Variants in GRM7 observed in about 807,000 individuals in gnomAD.
GRM7 encodes the protein metabotropic glutamate receptor 7.
In GRM7, 35 loss-of-function variants were observed where a neutral mutation model predicts 84.5. That is an observed-to-expected ratio of 0.41 (90% CI 0.32 to 0.55). GRM7 has a LOEUF of 0.55. GRM7 is among the 20% of genes least tolerant of loss of function. The probability of loss-of-function intolerance (pLI) is 0.19; values close to 1 mark genes in which losing one functional copy is unlikely to be tolerated. For missense variants in GRM7, 1,003 were observed against 1,194.6 expected (o/e 0.84, Z 2.36); for synonymous variants, 487 against 455.1 (o/e 1.07, Z -0.89).
chr3:7,083,786 G>C (rs1425059240), intron 1 of GRM7, among the ~76,000 whole-genome samples: 3 of 152,116 alleles, frequency 2.0e-5, no homozygotes, highest in Non-Finnish European at 4.4e-5. Context: ...CGTATTCTCT[G>C]TGAGTGCTAC....
chr3:6,864,729 G>A (rs1301373477), intron 1 of GRM7, among the ~76,000 whole-genome samples: 2 of 152,146 alleles, frequency 1.3e-5, no homozygotes, highest in Non-Finnish European at 2.9e-5. Context: ...GGAATACTTA[G>A]CGACTTAAAT....
intron 9 of GRM7, among the ~76,000 whole-genome samples, chr3:7,727,047 T>C (rs558062506): frequency 1.3e-5 from 2 of 152,242 alleles, no homozygotes; most frequent in Admixed American, 6.5e-5. Flanking sequence ...CTTTCATATT[T>C]TTGATGCAGT....
intron 4 of GRM7, among the ~76,000 whole-genome samples, chr3:7,337,652 A>C (rs1701473385): frequency 6.6e-6 from 1 of 152,150 alleles, no homozygotes; most frequent in African/African-American, 2.4e-5. Flanking sequence ...CATATGAAAA[A>C]AATGCTAAAC....
intron 4 of GRM7, among the ~76,000 whole-genome samples, chr3:7,307,040 G>A (rs1007289639): frequency 6.6e-6 from 1 of 152,080 alleles, no homozygotes; most frequent in Non-Finnish European, 1.5e-5. Context: ...ATTAGAAGAA[G>A]TACAAGAACC....
intron 1 of GRM7, among the ~76,000 whole-genome samples, chr3:6,907,367 T>G (rs79117992): frequency 0.027 from 4,068 of 152,312 alleles, 174 homozygotes; most frequent in African/African-American, 0.092. Flanking sequence ...TTTGAAAAAG[T>G]ACCGTGGAGA....
intron 1 of GRM7, among the ~76,000 whole-genome samples, chr3:6,875,217 T>G (rs1333892213): frequency 1.3e-5 from 2 of 151,382 alleles, no homozygotes; most frequent in Non-Finnish European, 3.0e-5. Context: ...AGGTCTTGGT[T>G]CTGCACTTTT....
At chr3:7,064,548 G>GATAT (rs60042248) in intron 1 of GRM7, among the ~76,000 whole-genome samples, 5,773 of 89,466 alleles carry the variant, frequency 0.065, 165 homozygotes, top group Middle Eastern at 0.12. Flanking sequence ...ATCATGTATG[G>GATAT]ATATATATAT....
Position 7,691,267 on chromosome 3 carries a change from G to A in GRM7, c.2698+10972G>A, listed in dbSNP as rs1363231045. On this transcript the variant is annotated intron_variant, in intron 9 of 9. Coordinates refer to ENST00000357716, the MANE Select transcript of GRM7 (RefSeq NM_000844.4). ...GATTGAGATAACATTTCCAAAGCTTGTTCTTCTTGAGCTGACCCAACACTT... is the reference window on the plus strand; with the variant it reads ...GATTGAGATAACATTTCCAAAGCTTATTCTTCTTGAGCTGACCCAACACTT... 7 of 1,287,676 alleles carry A rather than the reference G, an allele frequency of 5.4e-6. No individual in the cohort carries two copies. In the East Asian group the frequency reaches 3.3e-4, roughly 61 times the overall value. The allele number at this position is 1,287,676 out of a possible 1,614,324, so 79.8% of individuals were successfully genotyped here.
intron 7 of GRM7, among the ~76,000 whole-genome samples, chr3:7,475,201 C>G (rs778286238): frequency 9.2e-5 from 14 of 152,130 alleles, no homozygotes; most frequent in Non-Finnish European, 1.9e-4. Context: ...CAAATGTGTT[C>G]TTGATTTATT....
At chr3:7,334,719 T>TA (rs919456335) in intron 4 of GRM7, among the ~76,000 whole-genome samples, 5 of 152,002 alleles carry the variant, frequency 3.3e-5, no homozygotes, top group Non-Finnish European at 5.9e-5. Flanking sequence ...GTAAGTGGGT[T>TA]AAAAAAAGAT....
intron 2 of GRM7, among the ~76,000 whole-genome samples, chr3:7,221,131 A>G (rs977261543): frequency 6.6e-6 from 1 of 152,086 alleles, no homozygotes; most frequent in Non-Finnish European, 1.5e-5. Flanking sequence ...AAAACAAACA[A>G]ACAAAAAAAC....
chr3:6,896,883 A>C (rs928370121), intron 1 of GRM7, among the ~76,000 whole-genome samples: 4 of 152,136 alleles, frequency 2.6e-5, no homozygotes, highest in South Asian at 2.1e-4. Flanking sequence ...TTCGTCTTCA[A>C]CTGTGCTCCA....
chr3:7,701,673 G>A (rs1701235045), intron 9 of GRM7, among the ~76,000 whole-genome samples: 1 of 152,086 alleles, frequency 6.6e-6, no homozygotes, highest in Non-Finnish European at 1.5e-5. Flanking sequence ...GTGGTAGGAT[G>A]GTAGGAGCTT....
intron 9 of GRM7, among the ~76,000 whole-genome samples, chr3:7,708,767 T>A (rs1055771466): frequency 6.6e-6 from 1 of 152,036 alleles, no homozygotes; most frequent in Non-Finnish European, 1.5e-5. Context: ...AGCAGCCGGG[T>A]AGGATCCCAG....
chr3:7,561,352 C>T (rs1694019827), intron 7 of GRM7: 3 of 329,812 alleles, frequency 9.1e-6, no homozygotes, highest in South Asian at 7.5e-5. Flanking sequence ...TACTGTGATG[C>T]TGAGATCCTA....
chr3:7,037,746 A>C (rs1696435836), intron 1 of GRM7, among the ~76,000 whole-genome samples: 1 of 152,190 alleles, frequency 6.6e-6, no homozygotes, highest in African/African-American at 2.4e-5. Context: ...TAATTTCCTC[A>C]AGAAATAGAA....
At chr3:7,571,686 C>G (rs1240341902) in intron 7 of GRM7, among the ~76,000 whole-genome samples, 6 of 152,182 alleles carry the variant, frequency 3.9e-5, no homozygotes, top group Admixed American at 3.9e-4. Context: ...TGCCTATTAC[C>G]CAGTTCTGAA....
intron 9 of GRM7, among the ~76,000 whole-genome samples, chr3:7,724,865 C>T (rs767375869): frequency 3.9e-5 from 6 of 152,286 alleles, no homozygotes; most frequent in Middle Eastern, 3.4e-3. Context: ...TGAGCTCACT[C>T]GATCCTCCTG....
intron 1 of GRM7, among the ~76,000 whole-genome samples, chr3:6,868,221 T>A (rs1344075646): frequency 1.3e-5 from 2 of 152,142 alleles, no homozygotes; most frequent in East Asian, 3.9e-4. Context: ...AGTGGCAAAG[T>A]CTGGATTCAA....
Sources: allele counts gnomAD v4.1 joint callset (sites outside exome capture counted in the v4.1 genomes callset), GRCh38; gene constraint gnomAD v4.1.1; transcripts MANE v1.5; gene names NCBI Gene and HGNC (gene_info 2026-07-23, HGNC 2026-07-21).